Variants in DCLRE1A observed in about 807,000 individuals in gnomAD.
The protein encoded by DCLRE1A is DNA cross-link repair 1A protein.
In DCLRE1A, 64 loss-of-function variants were observed where a neutral mutation model predicts 91.9. The ratio of observed to expected loss-of-function variants is 0.70; its 90% CI spans 0.57 to 0.86. DCLRE1A has a LOEUF of 0.86. Among genes scored for constraint, DCLRE1A ranks in the 40% least tolerant of loss-of-function variants. The pLI, the probability that DCLRE1A is intolerant of heterozygous loss-of-function variation, is 0.00. For synonymous variants in DCLRE1A, 416 were observed against 431.1 expected (o/e 0.96, Z 0.43); for missense variants, 1,145 against 1,213.3 (o/e 0.94, Z 0.84).
In DCLRE1A at chr10:113,850,155, T is replaced by G. The variant is rs771564882; in HGVS notation, c.950A>C (p.Asp317Ala). The G allele has an allele frequency of 6.2e-7, 1 of 1,614,140 alleles. No individual in the cohort carries two copies. ...EDTHDIDEKP[D>A]DSQEQLFFTE... ...AAAAAACAGTTGTTCTTGTGAATCA[T>G]CCGGTTTTTCATCGATATCATGAGT... Residue 317 changes from aspartate (D) to alanine (A), a missense_variant, in exon 2 of 9, where the codon GAT becomes GCT. Coordinates refer to ENST00000361384, the MANE Select transcript of DCLRE1A (RefSeq NM_014881.5).
rs1416093266 is a variant in DCLRE1A at position 113,852,851 on chromosome 10, G to C, written c.332C>G (p.Ser111Cys). The change falls in exon 1 of 9, where the codon TCC (serine) becomes TGC (cysteine). Residue 111 changes from serine (S) to cysteine (C), a missense_variant. Transcript: ENST00000361384. ...ATCATAAACTGGACGTATCTTTGGG[G>C]ACACGTGTTGGCTTTTTTGAGTTCT... ...LCRTQKSQHV[S>C]PKIRPVYDGY... is the part of the protein sequence containing the mutation. 6.2e-7 allele frequency: 1 copy of C among 1,614,034 alleles called. No individual in the cohort carries two copies. Among genetic ancestry groups the C allele is most frequent in the Admixed American group, 1.7e-5 (1 of 59,996 alleles).
intron 4 of DCLRE1A, among the ~76,000 whole-genome samples, chr10:113,845,092 A>G (rs371339512): frequency 1.3e-5 from 2 of 152,244 alleles, no homozygotes; most frequent in African/African-American, 2.4e-5. Context: ...TATGACCTCT[A>G]TGTTACAGTG....
Position 113,850,005 on chromosome 10 carries a change from G to C in DCLRE1A, c.1100C>G (p.Thr367Ser). Residue 367 changes from threonine (T) to serine (S), a missense_variant, in exon 2 of 9, where the codon ACT becomes AGT. By Grantham distance (58) the Thr-to-Ser change is moderately conservative (BLOSUM62 1). Transcript: ENST00000361384. ...ESCPKVNSFL[T>S]RDKYDEGLYR... ...CAATCCTTCATCATACTTATCCCGA[G>C]TTAAGAAGCTGTTCACTTTGGGGCA... 1 of 1,614,132 alleles carries C rather than the reference G, an allele frequency of 6.2e-7. No individual in the cohort carries two copies. Among genetic ancestry groups the C allele is most frequent in the Non-Finnish European group, 8.5e-7 (1 of 1,180,032 alleles).
chr10:113,853,217 C>T lies in DCLRE1A; in HGVS notation c.-35G>A. 1 of 1,462,820 alleles carries T rather than the reference C, an allele frequency of 6.8e-7. No homozygotes were observed. Among genetic ancestry groups the T allele is most frequent in the Admixed American group, 2.6e-5 (1 of 38,976 alleles). The allele number at this position is 1,462,820 out of a possible 1,614,324, so 90.6% of individuals were successfully genotyped here. A position where few individuals can be genotyped will look rare whatever the true frequency, so the allele number is the denominator to read the frequency against. ...ATTTTATCATTCAAGAAGTATTAAT[C>T]TTAAGTAAACTGAAAGTCCATTTCT... On this transcript the variant is annotated 5_prime_UTR_variant, in exon 1 of 9. Transcript: ENST00000361384.
chr10:113,840,340 T>A (rs1845426947), intron 7 of DCLRE1A, among the ~76,000 whole-genome samples: 1 of 151,200 alleles, frequency 6.6e-6, no homozygotes. Flanking sequence ...TTTGTAGTAG[T>A]GAAAATCTAA....
chr10:113,845,844 CTAAA>C (rs749807350), intron 3 of DCLRE1A, 41 bp from the exon 4 acceptor site: 2 of 1,453,008 alleles, frequency 1.4e-6, no homozygotes, highest in South Asian at 1.1e-5. Context: ...CAGTAAAACA[CTAAA>C]TATTTTATTT....
In DCLRE1A at chr10:113,835,004, G is replaced by A. The variant is rs1845341134; in HGVS notation, c.*148C>T. On this transcript the variant is annotated 3_prime_UTR_variant, in exon 9 of 9. Coordinates refer to ENST00000361384, the MANE Select transcript of DCLRE1A (RefSeq NM_014881.5). ...GAGAGGCATTCAGCACCACGAACAT[G>A]TTGTTCAAACATAAATGAGAAAATA... 1 of 839,744 alleles carries A rather than the reference G, an allele frequency of 1.2e-6. No homozygotes were observed. The highest frequency in any genetic ancestry group is 1.8e-6 in the Non-Finnish European group (1 of 551,554). The allele number at this position is 839,744 out of a possible 1,614,324, so 52.0% of individuals were successfully genotyped here. A position where few individuals can be genotyped will look rare whatever the true frequency, so the allele number is the denominator to read the frequency against.
intron 8 of DCLRE1A, 27 bp downstream of exon 8, chr10:113,837,035 A>T (rs755451251): frequency 1.3e-6 from 2 of 1,553,236 alleles, no homozygotes; most frequent in African/African-American, 1.4e-5. Context: ...TATAAACACT[A>T]AAAGTGAGAA....
At chr10:113,851,920 C>T (rs1422947204) in intron 1 of DCLRE1A, among the ~76,000 whole-genome samples, 2 of 152,138 alleles carry the variant, frequency 1.3e-5, no homozygotes, top group Admixed American at 1.3e-4. Context: ...CCATGTTGCA[C>T]AGGCTGGTCT....
At chr10:113,837,922 C>T (rs1008473101) in intron 7 of DCLRE1A, among the ~76,000 whole-genome samples, 22 of 151,902 alleles carry the variant, frequency 1.4e-4, no homozygotes, top group African/African-American at 5.3e-4. Context: ...AATAATGGCA[C>T]GAGGGATACA....
chr10:113,839,316 C>A (rs868844945), intron 7 of DCLRE1A, among the ~76,000 whole-genome samples: 1 of 107,734 alleles, frequency 9.3e-6, no homozygotes, highest in East Asian at 2.6e-4. Context: ...CAGAGCGAGA[C>A]CCTGTCTCAA....
At chr10:113,838,988 A>C (rs1358913484) in intron 7 of DCLRE1A, among the ~76,000 whole-genome samples, 1 of 152,104 alleles carries the variant, frequency 6.6e-6, no homozygotes, top group Non-Finnish European at 1.5e-5. Flanking sequence ...AATTGGCTCT[A>C]ATTACAAACA....
At chr10:113,842,217 A>C in intron 6 of DCLRE1A, 126 bp downstream of exon 6, 2 of 821,366 alleles carry the variant, frequency 2.4e-6, no homozygotes, top group South Asian at 7.0e-5. Flanking sequence ...TTCAACTTCA[A>C]AGGTAATATT....
At chr10:113,839,258 G>T (rs971266566) in intron 7 of DCLRE1A, among the ~76,000 whole-genome samples, 1 of 149,904 alleles carries the variant, frequency 6.7e-6, no homozygotes, top group African/African-American at 2.5e-5. Flanking sequence ...CCGGGAGGTG[G>T]AGGTTGCAGT....
chr10:113,853,301 A>AC lies in DCLRE1A; in HGVS notation c.-120dup. 2 of 945,682 alleles carry AC rather than the reference A, an allele frequency of 2.1e-6. No individual in the cohort carries two copies. The highest frequency in any genetic ancestry group is 3.0e-6 in the Non-Finnish European group (2 of 661,628). The allele number at this position is 945,682 out of a possible 1,614,324, so 58.6% of individuals were successfully genotyped here. ...TGAGAAAAAAAACAAAGGTAACAAAACCCCCACCAACTCAATGGGAATCTG... is the reference window on the plus strand; with the variant it reads ...TGAGAAAAAAAACAAAGGTAACAAAACCCCCCACCAACTCAATGGGAATCTG... On this transcript the variant is annotated 5_prime_UTR_variant, in exon 1 of 9. Transcript: ENST00000361384.
In DCLRE1A at chr10:113,849,327, T is replaced by C; in HGVS notation, c.1778A>G (p.Gln593Arg). 1 of 1,614,212 alleles carries C rather than the reference T, an allele frequency of 6.2e-7. No individual in the cohort carries two copies. The highest frequency in any genetic ancestry group is 8.5e-7 in the Non-Finnish European group (1 of 1,180,032). Residue 593 changes from glutamine to arginine, a missense_variant, in exon 2 of 9, where the codon CAA (glutamine) becomes CGA (arginine). Transcript: ENST00000361384. ...INLNPVPSPNQKRSSQCKRKA... is the reference protein window; with the variant it reads ...INLNPVPSPNRKRSSQCKRKA... ...CCTCTTGCACTGCGAGGACCTCTTT[T>C]GATTAGGACTTGGAACTGGATTTAA...
chr10:113,849,698 AAAAGGTTT>A lies in DCLRE1A; in HGVS notation c.1399_1406del (p.Lys467Ter). 6.2e-7 allele frequency: 1 copy of A among 1,614,162 alleles called. No homozygotes were observed. Among genetic ancestry groups the A allele is most frequent in the Non-Finnish European group, 8.5e-7 (1 of 1,180,026 alleles). On this transcript the variant is annotated frameshift_variant, in exon 2 of 9. Coordinates refer to ENST00000361384, the MANE Select transcript of DCLRE1A (RefSeq NM_014881.5). LOFTEE classifies it high-confidence loss of function. ...AAAGATACCCTTCTACCTGACTTTC[AAAAGGTTT>A]CAACATTAAACTCTTAACTAACGGA...
In DCLRE1A at chr10:113,850,561, C is replaced by T. The variant is rs755476684; in HGVS notation, c.544G>A (p.Ala182Thr). 2 of 1,614,104 alleles carry T rather than the reference C, an allele frequency of 1.2e-6. No individual in the cohort carries two copies. Among genetic ancestry groups the T allele is most frequent in the South Asian group, 1.1e-5 (1 of 91,058 alleles). The change falls in exon 2 of 9, where the codon GCT (alanine) becomes ACT (threonine). Residue 182 changes from alanine (A) to threonine (T), a missense_variant. Physicochemically the swap from Ala to Thr is moderately conservative, Grantham distance 58 (BLOSUM62 0). Coordinates refer to ENST00000361384, the MANE Select transcript of DCLRE1A (RefSeq NM_014881.5). Reference protein sequence around the residue: ...YTHFLLAQSRAGDHPFSSPSP... With the variant: ...YTHFLLAQSRTGDHPFSSPSP... ...GGGCTGCTAAAAGGATGATCACCAG[C>T]CCTGCTTTGAGCTAGCAGGAAGTGA...
intron 1 of DCLRE1A, among the ~76,000 whole-genome samples, chr10:113,852,203 GCGGGCGCCTGTAGTCCCGGCTACT>G (rs1393854338): frequency 2.4e-4 from 36 of 152,348 alleles, no homozygotes; most frequent in African/African-American, 8.2e-4. Flanking sequence ...GGGTGCGGTG[GCGGGCGCCTGTAGTCCCGGCTACT>G]CGGGAAGCTG....
Sources: gnomAD v4.1 joint callset for allele counts (sites outside exome capture counted in the v4.1 genomes callset) on GRCh38, gnomAD v4.1.1 for gene constraint, MANE v1.5 for transcripts, NCBI Gene and HGNC (gene_info 2026-07-23, HGNC 2026-07-21) for gene names.